PCDHGB2: variants seen among roughly 807,000 people sequenced by gnomAD.
The protein encoded by PCDHGB2 is protocadherin gamma subfamily B, 2.
A neutral mutation model predicts 59.3 loss-of-function variants in PCDHGB2; 55 were observed. The ratio of observed to expected loss-of-function variants is 0.93; its 90% CI spans 0.75 to 1.16. The LOEUF (loss-of-function observed/expected upper bound fraction) is 1.16. PCDHGB2 is among the 50% of genes most tolerant of loss of function. The probability of loss-of-function intolerance (pLI) is 0.00; values close to 1 mark genes in which losing one functional copy is unlikely to be tolerated. For synonymous variants in PCDHGB2, 516 were observed against 512.0 expected, an observed-to-expected ratio of 1.01 and a Z score of -0.11; for missense variants, 1,228 against 1,198.5, an observed-to-expected ratio of 1.02 and a Z score of -0.36.
chr5:141,376,217 CT>C (rs1370033371), intron 1 of PCDHGB2: 2 of 1,614,210 alleles, frequency 1.2e-6, no homozygotes, highest in East Asian at 4.5e-5. Flanking sequence ...CATCGTGCTG[CT>C]GGCGCTCAGA....
chr5:141,389,361 G>T (rs1460945767), intron 1 of PCDHGB2: 1 of 1,613,880 alleles, frequency 6.2e-7, no homozygotes, highest in South Asian at 1.1e-5. Context: ...CATGGCCAGT[G>T]ACCTGGAGCA....
intron 1 of PCDHGB2, chr5:141,423,907 G>C: frequency 7.9e-7 from 1 of 1,271,360 alleles, no homozygotes. Context: ...TTTCAAAGGG[G>C]CCATTCAACT....
intron 1 of PCDHGB2, chr5:141,403,596 C>T: frequency 6.2e-7 from 1 of 1,613,768 alleles, no homozygotes; most frequent in Non-Finnish European, 8.5e-7. Context: ...CTCACGGCCT[C>T]GGATGGCGGC....
rs761831761 is a variant in PCDHGB2 at position 141,485,471 on chromosome 5, G to A, written c.2422-9336G>A. The A allele has an allele frequency of 4.3e-6, 7 of 1,614,144 alleles. No homozygotes were observed. The Admixed American group carries it at 5.0e-5, about 12-fold the overall frequency. On this transcript the variant is annotated intron_variant, in intron 1 of 3. Transcript: ENST00000522605. This position sits in a 1 kb window ranked among gnomAD's most constrained non-coding sequence, Gnocchi z 5.7. ...CCGAGAGGCACTGTGTGGGCTCAGT[G>A]CCAGCTGCATCGTGCCCCTGGAGTT...
At position 141,418,023 on chromosome 5, in the gene PCDHGB2, G is replaced by A. The variant is rs375588252; in HGVS notation, c.2421+55467G>A. 244 of 1,613,996 alleles carry A rather than the reference G, an allele frequency of 1.5e-4. No individual in the cohort carries two copies. The Middle Eastern group carries it at 3.5e-3, about 23-fold the overall frequency. On this transcript the variant is annotated intron_variant, in intron 1 of 3. Coordinates refer to ENST00000522605, the MANE Select transcript of PCDHGB2 (RefSeq NM_018923.3). ...GTGGGGAACCTCGCTAAGGATCTAGGGCTTAGTGTCCTGGATGTGTCGGCT... is the reference window on the plus strand; with the variant it reads ...GTGGGGAACCTCGCTAAGGATCTAGAGCTTAGTGTCCTGGATGTGTCGGCT...
rs2099883868 is a variant in PCDHGB2 at position 141,511,590 on chromosome 5, A to G, written c.*417A>G. On this transcript the variant is annotated 3_prime_UTR_variant, in exon 4 of 4. Transcript: ENST00000522605. The stretch of plus-strand genomic sequence containing the variant: ...AGTAAGGTGGTTGGGGTGTTGAAGT[A>G]CCAAGTAACCTACAAGCCTCCTAGT... 3.7e-6 allele frequency: 1 copy of G among 267,908 alleles called. No individual in the cohort carries two copies. The highest frequency in any genetic ancestry group is 7.4e-6 in the Non-Finnish European group (1 of 135,038). 16.6% of individuals were successfully genotyped at this position (267,908 alleles called of 1,614,324 possible). A position where few individuals can be genotyped will look rare whatever the true frequency, so the allele number is the denominator to read the frequency against.
intron 1 of PCDHGB2, chr5:141,418,580 G>A: frequency 1.2e-5 from 20 of 1,614,018 alleles, no homozygotes; most frequent in Non-Finnish European, 1.7e-5. Flanking sequence ...CAACCCCCCA[G>A]TGTTCAGCCA....
At position 141,422,630 on chromosome 5, in the gene PCDHGB2, G is replaced by A. The variant is rs1193466428; in HGVS notation, c.2421+60074G>A. 5 of 1,613,176 alleles carry A rather than the reference G, an allele frequency of 3.1e-6. No homozygotes were observed. The Admixed American group carries it at 8.3e-5, about 27-fold the overall frequency. On this transcript the variant is annotated intron_variant, in intron 1 of 3. Coordinates refer to ENST00000522605, the MANE Select transcript of PCDHGB2 (RefSeq NM_018923.3). ...GCCTACATTCCCGAAAACAACCCCA[G>A]GGGTGCCTCCATCTTCTCAGTGACC...
At chr5:141,366,750 A>T (rs530762959) in intron 1 of PCDHGB2, 92 of 1,607,760 alleles carry the variant, frequency 5.7e-5, no homozygotes, top group Non-Finnish European at 7.1e-5. Flanking sequence ...CGGCGAGTTC[A>T]GGTTAGTTTT....
rs1244735686 is a variant in PCDHGB2 at position 141,432,142 on chromosome 5, C to A, written c.2422-62665C>A. 1 of 1,614,098 alleles carries A rather than the reference C, an allele frequency of 6.2e-7. No homozygotes were observed. The highest frequency in any genetic ancestry group is 1.1e-5 in the South Asian group (1 of 91,066). On this transcript the variant is annotated intron_variant, in intron 1 of 3. Transcript: ENST00000522605. This position sits in a 1 kb window ranked among gnomAD's most constrained non-coding sequence, Gnocchi z 6.0. ...CTCAGGCCTCCTATTCCGCTTATAT[C>A]CCAGAGAACAATCCCAGAGGAGTTT...
Position 141,489,830 on chromosome 5 carries a change from A to C in PCDHGB2, c.2422-4977A>C. On this transcript the variant is annotated intron_variant, in intron 1 of 3. Transcript: ENST00000522605. The surrounding 1 kb of genome is among the most constrained non-coding windows in gnomAD (Gnocchi z 4.5). ...AAGCCATTCCCAGAGCTGGTGCTAG[A>C]GCAGCAGCTGGATCGTGAAGCCCAG... 1 of 1,614,200 alleles carries C rather than the reference A, an allele frequency of 6.2e-7. No homozygotes were observed. Among genetic ancestry groups the C allele is most frequent in the Non-Finnish European group, 8.5e-7 (1 of 1,180,010 alleles).
intron 1 of PCDHGB2, chr5:141,387,672 C>T (rs1222648666): frequency 5.7e-6 from 4 of 707,372 alleles, no homozygotes; most frequent in Non-Finnish European, 9.1e-6. Flanking sequence ...CTCCAGATCT[C>T]CTCGCGCAGC....
chr5:141,376,780 G>A (rs1466188950), intron 1 of PCDHGB2: 2 of 383,610 alleles, frequency 5.2e-6, no homozygotes, highest in African/African-American at 2.2e-5. Flanking sequence ...TCCGCTTCCC[G>A]GGTTCACGCC....
At chr5:141,394,400 G>A (rs747087099) in intron 1 of PCDHGB2, 2 of 1,614,246 alleles carry the variant, frequency 1.2e-6, no homozygotes, top group South Asian at 2.2e-5. Flanking sequence ...GAGACCTGCA[G>A]CTACTGGTAA....
intron 2 of PCDHGB2, among the ~76,000 whole-genome samples, chr5:141,501,049 A>G (rs1458722311): frequency 1.3e-5 from 2 of 151,844 alleles, no homozygotes; most frequent in African/African-American, 2.4e-5. Flanking sequence ...TTGTATTTTT[A>G]GTAGAGACGG....
chr5:141,389,303 G>C, intron 1 of PCDHGB2: 3 of 1,614,000 alleles, frequency 1.9e-6, no homozygotes, highest in Non-Finnish European at 2.5e-6. Flanking sequence ...CACAAGTCAG[G>C]GCTTCTGATC....
At chr5:141,426,451 C>A in intron 1 of PCDHGB2, 1 of 308,946 alleles carries the variant, frequency 3.2e-6, no homozygotes, top group South Asian at 3.0e-5. Flanking sequence ...GGACATGCGG[C>A]TGCATGTTCA....
At chr5:141,469,671 A>T (rs1285283342) in intron 1 of PCDHGB2, among the ~76,000 whole-genome samples, 3 of 152,236 alleles carry the variant, frequency 2.0e-5, no homozygotes, top group Admixed American at 1.3e-4. Flanking sequence ...TTCTAATAAA[A>T]CTACATATGC....
Position 141,409,860 on chromosome 5 carries a change from G to A in PCDHGB2, c.2421+47304G>A, listed in dbSNP as rs764823576. On this transcript the variant is annotated intron_variant, in intron 1 of 3. Transcript: ENST00000522605. ...AACGTGAGCCTGCGCGTGTTGGTGG[G>A]AGACCGCAATGACAACGCACCGCGG... is the stretch of plus-strand genomic sequence containing the variant. The A allele has an allele frequency of 1.2e-5, 20 of 1,612,364 alleles. No homozygotes were observed. In the South Asian group the frequency reaches 1.8e-4, roughly 14 times the overall value.
Sources: allele counts gnomAD v4.1 joint callset (sites outside exome capture counted in the v4.1 genomes callset), GRCh38; gene constraint gnomAD v4.1.1; non-coding constraint Gnocchi (gnomAD v3.1); transcripts MANE v1.5; gene names NCBI Gene and HGNC (gene_info 2026-07-23, HGNC 2026-07-21).